Variants in LOXHD1 observed in about 807,000 individuals in gnomAD.
LOXHD1 encodes the protein lipoxygenase homology domain-containing protein 1.
Under a neutral mutation model 248.2 loss-of-function variants are expected in LOXHD1, and 205 were observed. The observed-to-expected ratio is 0.83, with a 90% CI of 0.74 to 0.93. The LOEUF is 0.93. Among genes scored for constraint, LOXHD1 ranks in the 40% least tolerant of loss-of-function variants. The probability of loss-of-function intolerance (pLI) is 0.00; values close to 1 mark genes in which losing one functional copy is unlikely to be tolerated. For missense variants in LOXHD1, 2,930 were observed against 2,971.6 expected (o/e 0.99, Z 0.33); for synonymous variants, 1,113 against 1,162.8 (o/e 0.96, Z 0.87).
intron 7 of LOXHD1, among the ~76,000 whole-genome samples, chr18:46,603,831 G>C (rs1188005578): frequency 3.3e-5 from 5 of 152,238 alleles, no homozygotes; most frequent in Non-Finnish European, 5.9e-5. Context: ...ATCCATGCTT[G>C]TCAGAAGTTC....
At position 46,545,325 on chromosome 18, in the gene LOXHD1, T is replaced by C; in HGVS notation, c.3611A>G (p.Asp1204Gly). ...CTGCACTGCTTTCTTACCAGTGTCA[T>C]CCTGTGTGCCAAAGAGTGTGATGAA... is the stretch of plus-strand genomic sequence containing the variant. ...NVFITLFGTQDDTGMTLLKSS... is the reference protein window; with the variant it reads ...NVFITLFGTQGDTGMTLLKSS... The change falls in exon 23 of 41, where the codon GAT becomes GGT. Residue 1204 changes from aspartate to glycine, a missense_variant. Coordinates refer to ENST00000642948, the MANE Select transcript of LOXHD1 (RefSeq NM_001384474.1). 6.4e-7 allele frequency: 1 copy of C among 1,551,290 alleles called. No individual in the cohort carries two copies. The highest frequency in any genetic ancestry group is 8.7e-7 in the Non-Finnish European group (1 of 1,146,488).
In LOXHD1 at chr18:46,541,887, C is replaced by T; in HGVS notation, c.3802G>A (p.Gly1268Arg). Residue 1268 changes from glycine (G) to arginine (R), a missense_variant, in exon 25 of 41, where the codon GGG (glycine) becomes AGG (arginine). Coordinates refer to ENST00000642948, the MANE Select transcript of LOXHD1 (RefSeq NM_001384474.1). Reference sequence around the variant, plus strand: ...CCACAGGGAAACGTCATGCACTTCCCAAGAGATGGGGCATCCACCTCTACC... The same window carrying T: ...CCACAGGGAAACGTCATGCACTTCCTAAGAGATGGGGCATCCACCTCTACC... ...DWVEVDAPSL[G>R]KCMTFPCGRW... is the part of the protein sequence containing the mutation. 1 of 1,551,746 alleles carries T rather than the reference C, an allele frequency of 6.4e-7. No homozygotes were observed. The highest frequency in any genetic ancestry group is 8.7e-7 in the Non-Finnish European group (1 of 1,147,014).
Position 46,547,055 on chromosome 18 carries a change from G to A in LOXHD1, c.3354C>T (p.Tyr1118=). Residue 1118 remains tyrosine, a synonymous_variant, in exon 22 of 41, where the codon TAC becomes TAT. Coordinates refer to ENST00000642948, the MANE Select transcript of LOXHD1 (RefSeq NM_001384474.1). ...CCAGCCAACGTTGGCATGGAAAGTAGTACCTGTGGGGGTGGATAGGGAAAG... is the reference window on the plus strand; with the variant it reads ...CCAGCCAACGTTGGCATGGAAAGTAATACCTGTGGGGGTGGATAGGGAAAG... ...DITDMNNEIT[Y]YFPCQRWLAV... is the part of the protein sequence containing the mutation. The A allele has an allele frequency of 6.4e-7, 1 of 1,551,788 alleles. No individual in the cohort carries two copies. The highest frequency in any genetic ancestry group is 2.0e-5 in the Admixed American group (1 of 51,008).
intron 29 of LOXHD1, among the ~76,000 whole-genome samples, chr18:46,526,830 C>G (rs1598920635): frequency 6.6e-6 from 1 of 152,144 alleles, no homozygotes; most frequent in African/African-American, 2.4e-5. Flanking sequence ...ACAGGGCAGA[C>G]TTGGCTGATC....
chr18:46,518,534 T>C (rs1406405704), intron 33 of LOXHD1, among the ~76,000 whole-genome samples: 4 of 152,206 alleles, frequency 2.6e-5, no homozygotes, highest in Non-Finnish European at 5.9e-5. Flanking sequence ...ACGCTGTCAG[T>C]TGAATTCCAA....
rs2038179561 is a variant in LOXHD1, at chr18:46,592,030, G to A, written c.1557C>T (p.Asn519=). ...CATCCAGCCAGCGGTTGCAATTGAA[G>A]TTGTACTTGTCTTTGTTCAGAGTGT... ...LMNTLNKDKY[N]FNCNRWLDAN... is the part of the protein sequence containing the mutation. Residue 519 remains asparagine (N), a synonymous_variant, in exon 12 of 41, where the codon AAC becomes AAT. Transcript: ENST00000642948. The A allele has an allele frequency of 5.2e-6, 8 of 1,552,168 alleles. No individual in the cohort carries two copies. The highest frequency in any genetic ancestry group is 7.0e-6 in the Non-Finnish European group (8 of 1,147,114).
At chr18:46,534,977 C>G (rs1229443615) in intron 26 of LOXHD1, among the ~76,000 whole-genome samples, 1 of 152,182 alleles carries the variant, frequency 6.6e-6, no homozygotes. Context: ...GCCTCTCTGC[C>G]TTCCTCTTCT....
At chr18:46,482,803 C>T (rs1482991418) in intron 40 of LOXHD1, among the ~76,000 whole-genome samples, 1 of 152,188 alleles carries the variant, frequency 6.6e-6, no homozygotes, top group African/African-American at 2.4e-5. Flanking sequence ...GGGCCAGCCC[C>T]AGGGAGAGGT....
intron 21 of LOXHD1, 49 bp from the exon 22 acceptor site, chr18:46,547,107 C>T (rs753254071): frequency 1.3e-5 from 20 of 1,548,754 alleles, no homozygotes; most frequent in Non-Finnish European, 1.7e-5. Context: ...AGAAAGGTCT[C>T]GTCCAGGAGC....
intron 20 of LOXHD1, among the ~76,000 whole-genome samples, chr18:46,558,730 A>C (rs1385888500): frequency 1.3e-5 from 2 of 152,216 alleles, no homozygotes; most frequent in Non-Finnish European, 2.9e-5. Flanking sequence ...GGATATTATA[A>C]AATCTTGAAG....
Position 46,542,777 on chromosome 18 carries a change from G to A in LOXHD1, c.3698C>T (p.Thr1233Met), listed in dbSNP as rs375951379. Residue 1233 changes from threonine to methionine, a missense_variant, in exon 24 of 41, where the codon ACG (threonine) becomes ATG (methionine). Coordinates refer to ENST00000642948, the MANE Select transcript of LOXHD1 (RefSeq NM_001384474.1). The part of the protein sequence containing the change: ...RDSIEIFTVE[T>M]LDLGDLWKVR... ...TTTCCACAGGTCTCCCAGATCCAGC[G>A]TCTCCACCGTGAAGATTTCAATGCT... 3.4e-5 allele frequency: 53 copies of A among 1,551,526 alleles called. No individual in the cohort carries two copies. Among genetic ancestry groups the A allele is most frequent in the African/African-American group, 6.8e-5 (5 of 73,006 alleles).
Position 46,507,634 on chromosome 18 carries a change from T to C in LOXHD1, c.5596A>G (p.Lys1866Glu), listed in dbSNP as rs572203053. The change falls in exon 36 of 41, where the codon AAG (lysine) becomes GAG (glutamate). Residue 1866 changes from lysine to glutamate, a missense_variant. Lys to Glu is a moderately conservative substitution (Grantham distance 56, BLOSUM62 1). Coordinates refer to ENST00000642948, the MANE Select transcript of LOXHD1 (RefSeq NM_001384474.1). ...GDWLSQRKGK[K>E]TLVCEMCAVI... is the part of the protein sequence containing the mutation. ...GCACACATTTCACACACCAGGGTCT[T>C]CTTGCCCTTCCGCTGGGACAGCCAG... The C allele has an allele frequency of 5.8e-6, 9 of 1,551,738 alleles. No homozygotes were observed. In the South Asian group the frequency reaches 1.1e-4, roughly 18 times the overall value.
At chr18:46,643,732 T>C (rs904103587) in intron 2 of LOXHD1, among the ~76,000 whole-genome samples, 4 of 152,150 alleles carry the variant, frequency 2.6e-5, no homozygotes, top group African/African-American at 9.7e-5. Context: ...ACAAGGCAAG[T>C]GATCTTTAGA....
At chr18:46,588,524 G>C (rs939166555) in intron 12 of LOXHD1, among the ~76,000 whole-genome samples, 3 of 152,130 alleles carry the variant, frequency 2.0e-5, no homozygotes, top group African/African-American at 7.2e-5. Context: ...GCTCTTCCTT[G>C]CCATCTCCTC....
At chr18:46,621,373 A>T (rs994858744) in intron 4 of LOXHD1, among the ~76,000 whole-genome samples, 1 of 152,222 alleles carries the variant, frequency 6.6e-6, no homozygotes, top group Admixed American at 6.5e-5. Flanking sequence ...CTTCAAGCAG[A>T]ACCCCAGACT....
chr18:46,626,211 G>A (rs552010155), intron 4 of LOXHD1, among the ~76,000 whole-genome samples: 2 of 152,270 alleles, frequency 1.3e-5, no homozygotes, highest in Non-Finnish European at 2.9e-5. Flanking sequence ...GATTTGGGGG[G>A]TGACATATAT....
intron 1 of LOXHD1, among the ~76,000 whole-genome samples, chr18:46,652,872 T>C (rs1021948227): frequency 5.3e-5 from 8 of 152,174 alleles, no homozygotes; most frequent in Admixed American, 3.3e-4. Flanking sequence ...AAACTATATA[T>C]TGTGTCACAC....
rs958084298 is a variant in LOXHD1, at chr18:46,489,215, C to T, written c.5879-73G>A. The T allele has an allele frequency of 1.0e-5, 15 of 1,477,044 alleles. No individual in the cohort carries two copies. The African/African-American group carries it at 2.0e-4, about 19-fold the overall frequency. 91.5% of individuals were successfully genotyped at this position (1,477,044 alleles called of 1,614,324 possible). A position where few individuals can be genotyped will look rare whatever the true frequency, so the allele number is the denominator to read the frequency against. On this transcript the variant is annotated intron_variant, in intron 37 of 40. Transcript: ENST00000642948. ...CCCCTTTCAGACTTCTACATCCCCA[C>T]AACCCATTGGCTGTGTGGCCCTGGA...
rs115475455 is a variant in LOXHD1 at position 46,623,897 on chromosome 18, C to T, written c.512-5607G>A. On this transcript the variant is annotated intron_variant, in intron 4 of 40. Transcript: ENST00000642948. ...CCCTAATTCGGTGCTGCATGCACAG[C>T]GGAGCTGGTGAGGCTGCTTGCCACA... 2.4e-3 allele frequency among the ~76,000 whole-genome samples: 373 copies of T among 152,326 alleles called. 1 individual carries two copies. The highest frequency in any genetic ancestry group is 8.5e-3 in the African/African-American group (352 of 41,574).
Sources: gnomAD v4.1 joint callset for allele counts (sites outside exome capture counted in the v4.1 genomes callset) on GRCh38, gnomAD v4.1.1 for gene constraint, MANE v1.5 for transcripts, NCBI Gene and HGNC (gene_info 2026-07-23, HGNC 2026-07-21) for gene names.